HSPA13: variants seen among roughly 807,000 people sequenced by gnomAD.
HSPA13 encodes the protein heat shock protein family A (Hsp70) member 13.
A neutral mutation model predicts 38.8 loss-of-function variants in HSPA13; 29 were observed. The observed-to-expected ratio is 0.75, with a 90% CI of 0.56 to 1.02. HSPA13 has a LOEUF of 1.02. HSPA13 is among the 50% of genes least tolerant of loss of function. The pLI, the probability that HSPA13 is intolerant of heterozygous loss-of-function variation, is 0.00. For synonymous variants in HSPA13, 192 were observed against 205.3 expected (o/e 0.94, Z 0.56); for missense variants, 451 against 560.9 (o/e 0.80, Z 1.98).
chr21:14,379,095 C>G (rs757026813), intron 2 of HSPA13, among the ~76,000 whole-genome samples: 2 of 151,930 alleles, frequency 1.3e-5, no homozygotes, highest in Non-Finnish European at 2.9e-5. Flanking sequence ...TCCCAAATTT[C>G]TTGTTTCTAA....
intron 2 of HSPA13, among the ~76,000 whole-genome samples, chr21:14,379,456 A>C (rs1984112732): frequency 6.6e-6 from 1 of 152,204 alleles, no homozygotes; most frequent in African/African-American, 2.4e-5. Context: ...GAAAACATAA[A>C]GAAGCTACAT....
Position 14,381,185 on chromosome 21 carries a change from TTTAGA to T in HSPA13, c.366+13_366+17del. The T allele has an allele frequency of 6.5e-7, 1 of 1,544,912 alleles. No individual in the cohort carries two copies. Among genetic ancestry groups the T allele is most frequent in the Non-Finnish European group, 8.8e-7 (1 of 1,137,402 alleles). ...AGAGTACACTAAAATTAATATAGAT[TTTAGA>T]TTAATCACTTACCTTAAATGGGTAT... is the stretch of plus-strand genomic sequence containing the variant. On this transcript the variant is annotated intron_variant, in intron 2 of 4. Coordinates refer to ENST00000285667, the MANE Select transcript of HSPA13 (RefSeq NM_006948.5).
In HSPA13 at chr21:14,375,705, T is replaced by A. The variant is rs1984004170; in HGVS notation, c.695A>T (p.Asp232Val). 2 of 1,614,056 alleles carry A rather than the reference T, an allele frequency of 1.2e-6. No homozygotes were observed. Among genetic ancestry groups the A allele is most frequent in the Admixed American group, 1.7e-5 (1 of 60,024 alleles). Residue 232 changes from aspartate (D) to valine (V), a missense_variant, in exon 4 of 5, where the codon GAT becomes GTT. Coordinates refer to ENST00000285667, the MANE Select transcript of HSPA13 (RefSeq NM_006948.5). ...TCCTTGTTTATTCAGTAAAGACACATCTAGAGTTCCTCCGCCCAAGTCTAT... is the reference window on the plus strand; with the variant it reads ...TCCTTGTTTATTCAGTAAAGACACAACTAGAGTTCCTCCGCCCAAGTCTAT... ...LVIDLGGGTL[D>V]VSLLNKQGGM...
intron 4 of HSPA13, among the ~76,000 whole-genome samples, chr21:14,374,557 C>T (rs1408640944): frequency 6.6e-6 from 1 of 152,012 alleles, no homozygotes; most frequent in Non-Finnish European, 1.5e-5. Flanking sequence ...TAGCAAGACC[C>T]TGCCTCTATA....
Position 14,374,107 on chromosome 21 carries a change from A to G in HSPA13, c.926T>C (p.Val309Ala). The G allele has an allele frequency of 6.2e-7, 1 of 1,614,100 alleles. No homozygotes were observed. Among genetic ancestry groups the G allele is most frequent in the South Asian group, 1.1e-5 (1 of 91,084 alleles). The change falls in exon 5 of 5, where the codon GTA (valine) becomes GCA (alanine). Residue 309 changes from valine to alanine, a missense_variant. By Grantham distance (64) the Val-to-Ala change is moderately conservative. Transcript: ENST00000285667. Reference protein sequence around the residue: ...LTLHQSAQLSVLLTVEEQDRK... With the variant: ...LTLHQSAQLSALLTVEEQDRK... ...GTCCTGCTCCTCCACCGTTAGTAAT[A>G]CTGACAACTGAGCAGATTGATGAAG...
chr21:14,376,219 C>T (rs1984021661), intron 3 of HSPA13, among the ~76,000 whole-genome samples: 2 of 152,138 alleles, frequency 1.3e-5, no homozygotes, highest in Admixed American at 1.3e-4. Context: ...AGAGACCCTC[C>T]TGGCTAACAC....
At position 14,371,149 on chromosome 21, in the gene HSPA13, C is replaced by T. The variant is rs957110098; in HGVS notation, c.*2468G>A. The T allele has an allele frequency of 2.0e-5, 3 of 152,636 alleles. No individual in the cohort carries two copies. Among genetic ancestry groups the T allele is most frequent in the Admixed American group, 6.5e-5 (1 of 15,290 alleles). The allele number at this position is 152,636 out of a possible 1,614,324, so 9.5% of individuals were successfully genotyped here. A position where few individuals can be genotyped will look rare whatever the true frequency, so the allele number is the denominator to read the frequency against. On this transcript the variant is annotated 3_prime_UTR_variant, in exon 5 of 5. Coordinates refer to ENST00000285667, the MANE Select transcript of HSPA13 (RefSeq NM_006948.5). ...CAAACTGCAAAATGGTATTTATTTA[C>T]ATTAAAACATGAATTGCCTGTATAC... is the stretch of plus-strand genomic sequence containing the variant.
intron 3 of HSPA13, among the ~76,000 whole-genome samples, chr21:14,377,500 C>G (rs892296687): frequency 6.6e-6 from 1 of 152,102 alleles, no homozygotes; most frequent in Admixed American, 6.5e-5. Context: ...AATTATAAAC[C>G]TGTATAAAAA....
intron 2 of HSPA13, among the ~76,000 whole-genome samples, chr21:14,378,964 A>G (rs751323523): frequency 2.6e-5 from 4 of 152,144 alleles, no homozygotes; most frequent in African/African-American, 4.8e-5. Flanking sequence ...CACCACGCAC[A>G]TGACTAGAAC....
chr21:14,379,125 G>T (rs1035897016), intron 2 of HSPA13, among the ~76,000 whole-genome samples: 1 of 152,004 alleles, frequency 6.6e-6, no homozygotes. Flanking sequence ...ATAGCTGAAA[G>T]AATTTTCTAG....
chr21:14,375,318 T>C (rs1282075345), intron 4 of HSPA13, among the ~76,000 whole-genome samples: 1 of 152,142 alleles, frequency 6.6e-6, no homozygotes, highest in Non-Finnish European at 1.5e-5. Context: ...CCAGCATTTT[T>C]TGAGATTTAA....
chr21:14,379,300 A>G (rs1984110248), intron 2 of HSPA13, among the ~76,000 whole-genome samples: 1 of 152,200 alleles, frequency 6.6e-6, no homozygotes, highest in South Asian at 2.1e-4. Flanking sequence ...AAAAAATACT[A>G]TCCTAGTTTT....
chr21:14,375,404 TG>T, intron 4 of HSPA13, among the ~76,000 whole-genome samples: 1 of 146,336 alleles, frequency 6.8e-6, no homozygotes, highest in East Asian at 1.9e-4. Flanking sequence ...CAAAGAATTC[TG>T]GGGGAAAAAA....
intron 4 of HSPA13, among the ~76,000 whole-genome samples, 170 bp from the exon 5 acceptor site, chr21:14,374,454 G>T (rs1983966141): frequency 6.6e-6 from 1 of 152,156 alleles, no homozygotes; most frequent in South Asian, 2.1e-4. Flanking sequence ...GTGTTGCTGG[G>T]CATGGTGTCT....
intron 2 of HSPA13, among the ~76,000 whole-genome samples, chr21:14,378,739 C>T (rs1315141829): frequency 6.6e-6 from 1 of 151,910 alleles, no homozygotes; most frequent in East Asian, 1.9e-4. Flanking sequence ...CCTGCCTCAG[C>T]TTCCCAAGTG....
At chr21:14,376,374 C>G (rs1476620791) in intron 3 of HSPA13, among the ~76,000 whole-genome samples, 1 of 152,060 alleles carries the variant, frequency 6.6e-6, no homozygotes, top group Non-Finnish European at 1.5e-5. Context: ...GATCGCGCCA[C>G]TGTACTCCAG....
In HSPA13 at chr21:14,371,868, T is replaced by C. The variant is rs1358519134; in HGVS notation, c.*1749A>G. On this transcript the variant is annotated 3_prime_UTR_variant, in exon 5 of 5. Transcript: ENST00000285667. ...TCAATTCTAAAATCTATTACAGATT[T>C]ATATAAAGTCCAAGAGAACATGTGA... 1 of 152,516 alleles carries C rather than the reference T, an allele frequency of 6.6e-6. No individual in the cohort carries two copies. Among genetic ancestry groups the C allele is most frequent in the Non-Finnish European group, 1.5e-5 (1 of 67,952 alleles). The allele number at this position is 152,516 out of a possible 1,614,324, so 9.4% of individuals were successfully genotyped here.
Position 14,372,238 on chromosome 21 carries a change from A to G in HSPA13, c.*1379T>C, listed in dbSNP as rs560389701. ...CAGAGATACTTTACAATAAAAAACAAAAAAAGGTGATCAGGATATAATTTT... is the reference window on the plus strand; with the variant it reads ...CAGAGATACTTTACAATAAAAAACAGAAAAAGGTGATCAGGATATAATTTT... On this transcript the variant is annotated 3_prime_UTR_variant, in exon 5 of 5. Coordinates refer to ENST00000285667, the MANE Select transcript of HSPA13 (RefSeq NM_006948.5). 6.6e-5 allele frequency: 10 copies of G among 152,106 alleles called. No homozygotes were observed. The highest frequency in any genetic ancestry group is 2.4e-4 in the African/African-American group (10 of 41,534). The allele number at this position is 152,106 out of a possible 1,614,324, so 9.4% of individuals were successfully genotyped here.
intron 2 of HSPA13, among the ~76,000 whole-genome samples, chr21:14,379,718 A>T (rs938682089): frequency 3.3e-5 from 5 of 152,218 alleles, no homozygotes; most frequent in African/African-American, 1.2e-4. Flanking sequence ...AAATGCAGGG[A>T]GCAATTTTTT....
Sources: gnomAD v4.1 joint callset for allele counts (sites outside exome capture counted in the v4.1 genomes callset) on GRCh38, gnomAD v4.1.1 for gene constraint, MANE v1.5 for transcripts, NCBI Gene and HGNC (gene_info 2026-07-23, HGNC 2026-07-21) for gene names.